Variants in CFAP97D2 observed in about 807,000 individuals in gnomAD.
The protein encoded by CFAP97D2 is uncharacterized protein CFAP97D2.
rs562040976 is a variant in CFAP97D2, at chr13:114,180,196, T to G, written c.90+776T>G. Among the ~76,000 whole-genome samples, 3 of 152,346 alleles carry G rather than the reference T, an allele frequency of 2.0e-5. No homozygotes were observed. The South Asian group carries it at 6.2e-4, about 32-fold the overall frequency. ...TGTGTGTTGATCAGGCTGGAAATACTCTTAAGAAGGAGAAGTTTGGGTTTC... is the reference window on the plus strand; with the variant it reads ...TGTGTGTTGATCAGGCTGGAAATACGCTTAAGAAGGAGAAGTTTGGGTTTC... On this transcript the variant is annotated intron_variant, in intron 1 of 4. Coordinates refer to ENST00000646158, the Ensembl canonical transcript of CFAP97D2.
chr13:114,193,301 T>C (rs745974285), intron 1 of CFAP97D2, among the ~76,000 whole-genome samples: 3 of 152,352 alleles, frequency 2.0e-5, no homozygotes, highest in Non-Finnish European at 4.4e-5. Context: ...TAATTGCATA[T>C]GAAAATTTAG....
At chr13:114,201,574 A>G (rs1324859445) in intron 3 of CFAP97D2, among the ~76,000 whole-genome samples, 1 of 152,202 alleles carries the variant, frequency 6.6e-6, no homozygotes, top group Non-Finnish European at 1.5e-5. Flanking sequence ...CAGGGCTTCA[A>G]GGGAAGCCAT....
intron 4 of CFAP97D2, among the ~76,000 whole-genome samples, chr13:114,219,320 T>C (rs1478091006): frequency 6.6e-6 from 1 of 152,222 alleles, no homozygotes; most frequent in Non-Finnish European, 1.5e-5. Flanking sequence ...ATAAGTATAT[T>C]GTATTTGTTC....
At chr13:114,217,130 A>G (rs1054876501) in intron 4 of CFAP97D2, among the ~76,000 whole-genome samples, 38 of 152,032 alleles carry the variant, frequency 2.5e-4, no homozygotes, top group African/African-American at 8.7e-4. Context: ...CCACTTTTTG[A>G]TGGGGTTGAA....
intron 1 of CFAP97D2, among the ~76,000 whole-genome samples, chr13:114,181,756 G>A (rs921138839): frequency 6.6e-6 from 1 of 152,142 alleles, no homozygotes; most frequent in Admixed American, 6.5e-5. Context: ...GGAGAAAAAA[G>A]ACCTGTGGGA....
intron 4 of CFAP97D2, among the ~76,000 whole-genome samples, chr13:114,214,579 A>AG (rs1379339227): frequency 4.3e-5 from 5 of 117,424 alleles, no homozygotes; most frequent in South Asian, 2.7e-4. Flanking sequence ...CATATATTTG[A>AG]GGTTTTGTTT....
At chr13:114,181,537 C>G (rs1360403359) in intron 1 of CFAP97D2, among the ~76,000 whole-genome samples, 1 of 152,164 alleles carries the variant, frequency 6.6e-6, no homozygotes, top group Non-Finnish European at 1.5e-5. Context: ...GGGTGAGGAG[C>G]AGCCGGGGCT....
At position 114,189,186 on chromosome 13, in the gene CFAP97D2, A is replaced by G. The variant is rs570160281; in HGVS notation, c.91-7210A>G. Among the ~76,000 whole-genome samples the G allele has an allele frequency of 2.6e-5, 4 of 152,060 alleles. No individual in the cohort carries two copies. The East Asian group carries it at 7.7e-4, about 29-fold the overall frequency. ...CTACAATCCCTAGGATATTAAAAGGATAATAAAGGGATACTATGAACAAAT... is the reference window on the plus strand; with the variant it reads ...CTACAATCCCTAGGATATTAAAAGGGTAATAAAGGGATACTATGAACAAAT... On this transcript the variant is annotated intron_variant, in intron 1 of 4. Coordinates refer to ENST00000646158, the Ensembl canonical transcript of CFAP97D2. This position sits in a 1 kb window ranked among gnomAD's most constrained non-coding sequence, Gnocchi z 4.5.
intron 2 of CFAP97D2, among the ~76,000 whole-genome samples, chr13:114,197,740 T>C (rs940264542): frequency 6.6e-6 from 1 of 152,184 alleles, no homozygotes; most frequent in Non-Finnish European, 1.5e-5. Context: ...TGGAGTCCAG[T>C]GATACAACTT....
chr13:114,188,519 T>C (rs1246826605), intron 1 of CFAP97D2, among the ~76,000 whole-genome samples: 1 of 152,080 alleles, frequency 6.6e-6, no homozygotes, highest in Non-Finnish European at 1.5e-5. Flanking sequence ...GGCTCATGCC[T>C]GTAATCCCAG....
At chr13:114,195,263 C>G (rs770540872) in intron 1 of CFAP97D2, among the ~76,000 whole-genome samples, 6 of 152,240 alleles carry the variant, frequency 3.9e-5, no homozygotes, top group Non-Finnish European at 5.9e-5. Flanking sequence ...CATGTCACTC[C>G]TCTGCCTCTA....
chr13:114,212,685 T>TA (rs948954496), intron 4 of CFAP97D2, among the ~76,000 whole-genome samples: 5 of 151,712 alleles, frequency 3.3e-5, no homozygotes, highest in African/African-American at 7.3e-5. Flanking sequence ...CTGTCTCTAC[T>TA]AAAAAAAATA....
At chr13:114,197,257 T>C (rs1594516415) in intron 2 of CFAP97D2, among the ~76,000 whole-genome samples, 1 of 152,158 alleles carries the variant, frequency 6.6e-6, no homozygotes, top group Non-Finnish European at 1.5e-5. Context: ...CAAATAAATA[T>C]ATTTTGGGGT....
intron 3 of CFAP97D2, among the ~76,000 whole-genome samples, chr13:114,205,669 C>T (rs1430859424): frequency 6.6e-6 from 1 of 152,162 alleles, no homozygotes; most frequent in East Asian, 1.9e-4. Context: ...CTGAGTGACA[C>T]CCCAGGCTCT....
chr13:114,182,138 G>C (rs977414582), intron 1 of CFAP97D2, among the ~76,000 whole-genome samples: 22 of 146,830 alleles, frequency 1.5e-4, no homozygotes, highest in African/African-American at 4.6e-4. Context: ...TAGTAGGAGA[G>C]CAGGGTGATA....
rs1029832956 is a variant in CFAP97D2 at position 114,221,779 on chromosome 13, G to A, written c.481-719G>A. Among the ~76,000 whole-genome samples the A allele has an allele frequency of 2.0e-5, 3 of 151,580 alleles. No homozygotes were observed. The East Asian group carries it at 5.8e-4, about 29-fold the overall frequency. ...AATGAAAAGAAAAAAAAAGAGTGGTGCAGCCACTTTGGAAAACAGTTTGGT... is the reference window on the plus strand; with the variant it reads ...AATGAAAAGAAAAAAAAAGAGTGGTACAGCCACTTTGGAAAACAGTTTGGT... On this transcript the variant is annotated intron_variant, in intron 4 of 4. Coordinates refer to ENST00000646158, the Ensembl canonical transcript of CFAP97D2.
At chr13:114,195,233 G>A (rs146238369) in intron 1 of CFAP97D2, among the ~76,000 whole-genome samples, 1 of 152,238 alleles carries the variant, frequency 6.6e-6, no homozygotes, top group Non-Finnish European at 1.5e-5. Context: ...AGAGGAGCCT[G>A]TAAAAAGTGA....
chr13:114,202,024 C>T (rs529343706), intron 3 of CFAP97D2, among the ~76,000 whole-genome samples: 2 of 152,336 alleles, frequency 1.3e-5, no homozygotes, highest in African/African-American at 4.8e-5. Context: ...GCCTTTCGGT[C>T]CCCCTACCCA....
At chr13:114,181,311 G>T (rs895211490) in intron 1 of CFAP97D2, among the ~76,000 whole-genome samples, 8 of 152,354 alleles carry the variant, frequency 5.3e-5, no homozygotes, top group African/African-American at 1.9e-4. Context: ...CCCAGCAGGG[G>T]CAGACACAGG....
Sources: gnomAD v4.1 joint callset for allele counts (sites outside exome capture counted in the v4.1 genomes callset) on GRCh38, gnomAD v4.1.1 for gene constraint, Gnocchi (gnomAD v3.1) non-coding constraint, MANE v1.5 for transcripts, NCBI Gene and HGNC (gene_info 2026-07-23, HGNC 2026-07-21) for gene names.